PACRG: variants seen among roughly 807,000 people sequenced by gnomAD.
The protein encoded by PACRG is parkin coregulated.
In PACRG, 29 loss-of-function variants were observed where a neutral mutation model predicts 29.7. That is an observed-to-expected ratio of 0.98 (90% confidence interval 0.73 to 1.33). The LOEUF (loss-of-function observed/expected upper bound fraction) is 1.33, where lower values mean the gene tolerates loss of function less well. Ranked by LOEUF, PACRG falls within the 40% of genes most tolerant of loss-of-function variation. The pLI is 0.00. For synonymous variants in PACRG, 116 were observed against 118.7 expected, an observed-to-expected ratio of 0.98 and a Z score of 0.15; for missense variants, 279 against 316.2, an observed-to-expected ratio of 0.88 and a Z score of 0.89.
chr6:163,186,599 C>T (rs568791281), intron 4 of PACRG, among the ~76,000 whole-genome samples: 1 of 152,300 alleles, frequency 6.6e-6, no homozygotes, highest in African/African-American at 2.4e-5. Flanking sequence ...CTGGCCGCTT[C>T]TGGCAGCCTC....
chr6:162,896,243 C>T (rs2128049263), intron 2 of PACRG, among the ~76,000 whole-genome samples: 1 of 152,334 alleles, frequency 6.6e-6, no homozygotes, highest in African/African-American at 2.4e-5. Flanking sequence ...CCTGACTTCA[C>T]TCCAGCACAT....
chr6:162,836,762 G>A (rs1447699238), intron 2 of PACRG, among the ~76,000 whole-genome samples: 2 of 152,014 alleles, frequency 1.3e-5, no homozygotes, highest in African/African-American at 2.4e-5. Flanking sequence ...AACTTGTGCT[G>A]TAAAATTTTA....
intron 4 of PACRG, among the ~76,000 whole-genome samples, chr6:163,297,087 A>T (rs1443610493): frequency 6.6e-6 from 1 of 152,200 alleles, no homozygotes. Flanking sequence ...TTTGTTTTTA[A>T]CTTTCAAACC....
chr6:163,277,950 C>A (rs1585394377), intron 4 of PACRG, among the ~76,000 whole-genome samples: 1 of 152,090 alleles, frequency 6.6e-6, no homozygotes, highest in African/African-American at 2.4e-5. Context: ...TACATTCCCA[C>A]CAACAATGTA....
At chr6:162,867,138 A>G (rs1337401122) in intron 2 of PACRG, among the ~76,000 whole-genome samples, 1 of 152,112 alleles carries the variant, frequency 6.6e-6, no homozygotes, top group Non-Finnish European at 1.5e-5. Flanking sequence ...CTCAGTACCA[A>G]ATGCTCAATT....
At chr6:162,766,255 C>G (rs555123844) in intron 1 of PACRG, among the ~76,000 whole-genome samples, 6 of 152,134 alleles carry the variant, frequency 3.9e-5, no homozygotes, top group Non-Finnish European at 7.3e-5. Flanking sequence ...ATTCTACTCT[C>G]TAGTTCTATG....
chr6:162,866,937 C>A (rs759509090), intron 2 of PACRG, among the ~76,000 whole-genome samples: 1 of 152,184 alleles, frequency 6.6e-6, no homozygotes, highest in African/African-American at 2.4e-5. Flanking sequence ...GACTAAACTT[C>A]AAGAGGTGTT....
chr6:163,314,558 C>T (rs1342987339), intron 4 of PACRG, among the ~76,000 whole-genome samples: 2 of 152,100 alleles, frequency 1.3e-5, no homozygotes, highest in African/African-American at 4.8e-5. Context: ...AAAGAGAGTC[C>T]CCGACTTGTC....
At chr6:163,090,568 T>A (rs1189649281) in intron 4 of PACRG, among the ~76,000 whole-genome samples, 10 of 152,200 alleles carry the variant, frequency 6.6e-5, no homozygotes. Flanking sequence ...ATTGTTAAAA[T>A]GTAATGTTTT....
intron 2 of PACRG, among the ~76,000 whole-genome samples, chr6:162,894,858 GTCATGATTCTT>G (rs1795045599): frequency 6.6e-6 from 1 of 152,076 alleles, no homozygotes; most frequent in African/African-American, 2.4e-5. Flanking sequence ...GTAGAAATTT[GTCATGATTCTT>G]GTTGGCATAT....
intron 1 of PACRG, among the ~76,000 whole-genome samples, chr6:162,793,771 A>G (rs1785146731): frequency 6.6e-6 from 1 of 152,236 alleles, no homozygotes; most frequent in African/African-American, 2.4e-5. Context: ...CTTCCTAGAA[A>G]TTTATTTTAC....
chr6:163,251,693 C>T (rs1030472263), intron 4 of PACRG, among the ~76,000 whole-genome samples: 4 of 152,110 alleles, frequency 2.6e-5, no homozygotes, highest in African/African-American at 4.8e-5. Flanking sequence ...AGTTAGGGCA[C>T]GAAATCCAAG....
At chr6:162,899,472 C>T (rs1171272685) in intron 2 of PACRG, among the ~76,000 whole-genome samples, 1 of 152,116 alleles carries the variant, frequency 6.6e-6, no homozygotes, top group East Asian at 1.9e-4. Flanking sequence ...AAGCCCGTGC[C>T]GGACCTTCTG....
At chr6:162,829,517 A>G (rs13208648) in intron 2 of PACRG, among the ~76,000 whole-genome samples, 16,735 of 152,246 alleles carry the variant, frequency 0.11, 1,163 homozygotes, top group South Asian at 0.26. Flanking sequence ...CACTGGTGAT[A>G]TAGGCCTTTG....
At chr6:163,125,387 A>G (rs576478109) in intron 4 of PACRG, among the ~76,000 whole-genome samples, 1 of 152,326 alleles carries the variant, frequency 6.6e-6, no homozygotes, top group South Asian at 2.1e-4. Context: ...TATAAGGAAA[A>G]GATTGATGGG....
At chr6:163,145,373 C>A (rs1777752804) in intron 4 of PACRG, among the ~76,000 whole-genome samples, 1 of 152,208 alleles carries the variant, frequency 6.6e-6, no homozygotes, top group Non-Finnish European at 1.5e-5. Flanking sequence ...CAAACCTAGT[C>A]ATGCAGTGTA....
intron 1 of PACRG, among the ~76,000 whole-genome samples, chr6:162,760,687 C>G (rs1040699275): frequency 6.6e-6 from 1 of 151,948 alleles, no homozygotes; most frequent in Non-Finnish European, 1.5e-5. Flanking sequence ...GATAGTGGGA[C>G]GTTTAGAAAG....
chr6:162,850,232 G>A (rs1283806507), intron 2 of PACRG, among the ~76,000 whole-genome samples: 1 of 152,214 alleles, frequency 6.6e-6, no homozygotes, highest in African/African-American at 2.4e-5. Flanking sequence ...CATAAAATAT[G>A]TGTAGCTTTA....
At chr6:163,001,711 C>T (rs1310035669) in intron 2 of PACRG, among the ~76,000 whole-genome samples, 1 of 152,102 alleles carries the variant, frequency 6.6e-6, no homozygotes, top group Non-Finnish European at 1.5e-5. Context: ...ATTATATGAT[C>T]TTGTTTGTGG....
Sources: allele counts gnomAD v4.1 joint callset (sites outside exome capture counted in the v4.1 genomes callset), GRCh38; gene constraint gnomAD v4.1.1; transcripts MANE v1.5; gene names NCBI Gene and HGNC (gene_info 2026-07-23, HGNC 2026-07-21).